The following XPO7 variants were observed in gnomAD, a reference collection of about 807,000 sequenced individuals.
The protein encoded by XPO7 is exportin 7, also known as exportin-7.
Under a neutral mutation model 144.3 loss-of-function variants are expected in XPO7, and 21 were observed. That is an observed-to-expected ratio of 0.15 (90% confidence interval 0.10 to 0.21). The LOEUF is 0.21. Among genes scored for constraint, XPO7 ranks in the 10% least tolerant of loss-of-function variants. The pLI is 1.00. For missense variants in XPO7, 808 were observed against 1,325.8 expected (o/e 0.61, Z 6.06); for synonymous variants, 580 against 499.6 (o/e 1.16, Z -2.15).
intron 1 of XPO7, among the ~76,000 whole-genome samples, chr8:21,965,000 G>T (rs1811838091): frequency 6.6e-6 from 1 of 152,248 alleles, no homozygotes; most frequent in African/African-American, 2.4e-5. Context: ...AAAGCTCAAA[G>T]TGTGTGATGG....
Position 21,932,729 on chromosome 8 carries a change from A to G in XPO7, c.18+12941A>G, listed in dbSNP as rs181737807. ...CTAACGTTTAAATGTTTAGATGACA[A>G]TTGGACCACAGGTCAGTAGGCCAGG... On this transcript the variant is annotated intron_variant, in intron 1 of 27. Transcript: ENST00000252512. Among the ~76,000 whole-genome samples the G allele has an allele frequency of 1.5e-3, 223 of 152,268 alleles. 1 individual carries two copies. The highest frequency in any genetic ancestry group is 5.1e-3 in the African/African-American group (212 of 41,556).
intron 11 of XPO7, 90 bp downstream of exon 11, chr8:21,982,902 C>T (rs1327919834): frequency 6.2e-6 from 9 of 1,448,100 alleles, no homozygotes; most frequent in Non-Finnish European, 7.4e-6. Flanking sequence ...AAGAGGTACT[C>T]GAAGCGTGTC....
intron 1 of XPO7, among the ~76,000 whole-genome samples, chr8:21,944,686 A>G (rs4289811): frequency 0.58 from 87,864 of 151,932 alleles, 26,117 homozygotes; most frequent in African/African-American, 0.73. Context: ...TAGGACAATA[A>G]TGGAAGGAAG....
At chr8:21,937,787 G>T (rs1400677561) in intron 1 of XPO7, among the ~76,000 whole-genome samples, 2 of 152,206 alleles carry the variant, frequency 1.3e-5, no homozygotes, top group East Asian at 3.9e-4. Flanking sequence ...ATATATATTT[G>T]TTAAGCAGAT....
intron 1 of XPO7, among the ~76,000 whole-genome samples, chr8:21,963,824 CT>C (rs1426976905): frequency 6.6e-6 from 1 of 152,132 alleles, no homozygotes. Flanking sequence ...TTATTTTCCC[CT>C]AATCTAGAGG....
At chr8:21,968,632 G>GT (rs922312395) in intron 2 of XPO7, among the ~76,000 whole-genome samples, 1 of 152,128 alleles carries the variant, frequency 6.6e-6, no homozygotes, top group African/African-American at 2.4e-5. Context: ...ATACCTGGTG[G>GT]TATTATGTAA....
At chr8:21,926,869 T>G (rs1810475215) in intron 1 of XPO7, among the ~76,000 whole-genome samples, 1 of 152,210 alleles carries the variant, frequency 6.6e-6, no homozygotes, top group South Asian at 2.1e-4. Context: ...CAGCTTGTCA[T>G]TGACCCATCT....
intron 19 of XPO7, among the ~76,000 whole-genome samples, chr8:21,993,050 C>A (rs1012336830): frequency 6.6e-6 from 1 of 152,186 alleles, no homozygotes; most frequent in East Asian, 1.9e-4. Flanking sequence ...AAAGCAACAA[C>A]ACTTAATGCA....
intron 13 of XPO7, among the ~76,000 whole-genome samples, chr8:21,985,998 C>T (rs959161381): frequency 6.6e-6 from 1 of 152,132 alleles, no homozygotes; most frequent in Non-Finnish European, 1.5e-5. Context: ...TTTGCCATCC[C>T]AAAATAAGTC....
intron 20 of XPO7, 22 bp from the exon 21 acceptor site, chr8:21,995,470 T>C: frequency 6.3e-7 from 1 of 1,576,806 alleles, no homozygotes; most frequent in Middle Eastern, 1.7e-4. Flanking sequence ...TCAGAAATCT[T>C]TCCTTAGCTT....
At chr8:21,993,490 T>C (rs1432630872) in intron 19 of XPO7, among the ~76,000 whole-genome samples, 2 of 152,216 alleles carry the variant, frequency 1.3e-5, no homozygotes, top group African/African-American at 4.8e-5. Flanking sequence ...GTTGTTGTTG[T>C]TGTTCTGTCT....
Position 21,963,306 on chromosome 8 carries a change from A to G in XPO7, c.19-3551A>G, listed in dbSNP as rs188166902. Among the ~76,000 whole-genome samples, 8 of 152,298 alleles carry G rather than the reference A, an allele frequency of 5.3e-5. No homozygotes were observed. The East Asian group carries it at 1.3e-3, about 26-fold the overall frequency. ...ATGCTTATGTCTAGTTCAGTACTCAATATTATTGGGAGTGTCATTGACTCC... is the reference window on the plus strand; with the variant it reads ...ATGCTTATGTCTAGTTCAGTACTCAGTATTATTGGGAGTGTCATTGACTCC... On this transcript the variant is annotated intron_variant, in intron 1 of 27. Transcript: ENST00000252512.
intron 1 of XPO7, among the ~76,000 whole-genome samples, chr8:21,948,521 A>C (rs978057458): frequency 5.9e-5 from 9 of 152,330 alleles, no homozygotes; most frequent in South Asian, 2.1e-4. Context: ...ATTTCTCAGA[A>C]TGTATCCCCA....
intron 1 of XPO7, among the ~76,000 whole-genome samples, chr8:21,922,768 A>T (rs769816263): frequency 6.6e-6 from 1 of 152,228 alleles, no homozygotes; most frequent in Non-Finnish European, 1.5e-5. Context: ...ACCATAAATA[A>T]TGGAAATGAA....
chr8:21,930,315 T>C (rs1436704158), intron 1 of XPO7, among the ~76,000 whole-genome samples: 1 of 152,178 alleles, frequency 6.6e-6, no homozygotes, highest in African/African-American at 2.4e-5. Context: ...TGTGCCAGAT[T>C]GTTAGGCAAT....
chr8:21,967,282 G>A (rs1811915339), intron 2 of XPO7, among the ~76,000 whole-genome samples: 1 of 152,154 alleles, frequency 6.6e-6, no homozygotes, highest in East Asian at 1.9e-4. Flanking sequence ...GCCACATCCT[G>A]TCCTTTCCAG....
chr8:22,000,007 G>T (rs755411820), intron 24 of XPO7, among the ~76,000 whole-genome samples: 1 of 152,156 alleles, frequency 6.6e-6, no homozygotes, highest in Non-Finnish European at 1.5e-5. Flanking sequence ...TACAATAGGG[G>T]TGAGTACAAA....
At chr8:21,981,919 A>T in intron 10 of XPO7, 42 bp downstream of exon 10, 2 of 1,604,836 alleles carry the variant, frequency 1.2e-6, no homozygotes, top group Non-Finnish European at 8.5e-7. Context: ...TAAATACTGG[A>T]ATCTCTTGCT....
intron 10 of XPO7, 148 bp downstream of exon 10, chr8:21,982,025 G>C (rs1812424713): frequency 9.7e-7 from 1 of 1,034,898 alleles, no homozygotes; most frequent in South Asian, 1.8e-5. Flanking sequence ...ATTGTGGCCT[G>C]TGATTTACAT....
Sources: allele counts gnomAD v4.1 joint callset (sites outside exome capture counted in the v4.1 genomes callset), GRCh38; gene constraint gnomAD v4.1.1; transcripts MANE v1.5; gene names NCBI Gene and HGNC (gene_info 2026-07-23, HGNC 2026-07-21).